BLTP3B: variants seen among roughly 807,000 people sequenced by gnomAD.
The protein encoded by BLTP3B is UHRF1 (ICBP90) binding protein 1-like.
At chr12:100,111,270 GTTTTAGATT>G in the BLTP3B span, among the ~76,000 whole-genome samples, 135 of 142,622 alleles carry the variant, frequency 9.5e-4, 3 homozygotes, top group East Asian at 0.018. Flanking sequence ...GGCTGGTGGG[GTTTTAGATT>G]TTTTTTTTTT....
the BLTP3B span, chr12:100,070,218 A>C: frequency 6.5e-7 from 1 of 1,545,360 alleles, no homozygotes; most frequent in Non-Finnish European, 8.7e-7. Context: ...AACAAAACAA[A>C]AAACCACAAA....
At chr12:100,094,337 T>C in the BLTP3B span, among the ~76,000 whole-genome samples, 52,555 of 152,012 alleles carry the variant, frequency 0.35, 11,804 homozygotes, top group African/African-American at 0.64. Context: ...TCCTGAATTA[T>C]TGGCCTCTAG....
At chr12:100,101,096 G>T in the BLTP3B span, among the ~76,000 whole-genome samples, 1 of 152,098 alleles carries the variant, frequency 6.6e-6, no homozygotes, top group African/African-American at 2.4e-5. Context: ...CAACCTAAAG[G>T]CCAACAACTA....
the BLTP3B span, among the ~76,000 whole-genome samples, chr12:100,061,309 C>T: frequency 6.6e-6 from 1 of 152,116 alleles, no homozygotes; most frequent in African/African-American, 2.4e-5. Context: ...ACAGAAAGAA[C>T]CCCGATAGCA....
the BLTP3B span, among the ~76,000 whole-genome samples, chr12:100,137,660 C>T: frequency 2.2e-4 from 34 of 152,204 alleles, no homozygotes; most frequent in Non-Finnish European, 2.9e-4. Context: ...TTGTAGACTC[C>T]GTATTTCCAC....
chr12:100,064,680 G>A, the BLTP3B span, among the ~76,000 whole-genome samples: 1 of 151,926 alleles, frequency 6.6e-6, no homozygotes, highest in African/African-American at 2.4e-5. Context: ...TCTTTATCTA[G>A]TGAAACTAAG....
the BLTP3B span, among the ~76,000 whole-genome samples, chr12:100,093,261 T>C: frequency 2.0e-5 from 3 of 152,190 alleles, no homozygotes; most frequent in Non-Finnish European, 4.4e-5. Flanking sequence ...GAGTTTACCT[T>C]CAATTCTATA....
the BLTP3B span, among the ~76,000 whole-genome samples, chr12:100,116,448 CAAAAAAA>C: frequency 2.5e-4 from 14 of 55,998 alleles, no homozygotes; most frequent in East Asian, 6.5e-3. Context: ...GATCCTGTCT[CAAAAAAA>C]AAAAAAAAAA....
chr12:100,074,403 A>G, the BLTP3B span, among the ~76,000 whole-genome samples: 4 of 152,166 alleles, frequency 2.6e-5, no homozygotes, highest in Non-Finnish European at 4.4e-5. Flanking sequence ...GCTCGAGACC[A>G]GCGTGGCCAA....
chr12:100,100,309 A>T, the BLTP3B span, among the ~76,000 whole-genome samples: 1 of 152,006 alleles, frequency 6.6e-6, no homozygotes, highest in African/African-American at 2.4e-5. Flanking sequence ...TGTCTCAAAA[A>T]ATAAAAATAA....
chr12:100,084,654 A>G, the BLTP3B span: 2 of 1,612,964 alleles, frequency 1.2e-6, no homozygotes, highest in East Asian at 2.2e-5. Flanking sequence ...GATTACAACT[A>G]TCTCCTGTAA....
chr12:100,124,976 A>T, the BLTP3B span, among the ~76,000 whole-genome samples: 97 of 94,860 alleles, frequency 1.0e-3, no homozygotes, highest in African/African-American at 4.5e-3. Flanking sequence ...ATATATATAT[A>T]TATTTATATT....
the BLTP3B span, among the ~76,000 whole-genome samples, chr12:100,067,534 G>T: frequency 1.3e-5 from 2 of 151,996 alleles, no homozygotes; most frequent in Non-Finnish European, 2.9e-5. Context: ...AAATACAAAA[G>T]GTCATTCAAG....
At chr12:100,039,195 AAT>A in the BLTP3B span, among the ~76,000 whole-genome samples, 1 of 152,116 alleles carries the variant, frequency 6.6e-6, no homozygotes, top group African/African-American at 2.4e-5. Context: ...CTTGAATGTT[AAT>A]AAATGTTTAT....
chr12:100,070,869 G>T, the BLTP3B span, among the ~76,000 whole-genome samples: 130 of 152,112 alleles, frequency 8.5e-4, no homozygotes, highest in Non-Finnish European at 1.7e-3. Context: ...AGCCAGATGT[G>T]GTGGTGCATG....
the BLTP3B span, among the ~76,000 whole-genome samples, chr12:100,075,533 CAG>C: frequency 6.6e-6 from 1 of 152,086 alleles, no homozygotes; most frequent in Non-Finnish European, 1.5e-5. Context: ...AAACTATCAA[CAG>C]AGTCAACAGA....
chr12:100,064,042 T>C, the BLTP3B span, among the ~76,000 whole-genome samples: 1,569 of 152,144 alleles, frequency 0.01, 32 homozygotes, highest in African/African-American at 0.034. Context: ...CAAAAAATGA[T>C]ACAAGAAGTG....
At chr12:100,111,277 ATTTTTTTT>A in the BLTP3B span, among the ~76,000 whole-genome samples, 24 of 94,768 alleles carry the variant, frequency 2.5e-4, 1 homozygote, top group Middle Eastern at 0.032. Context: ...GGGGTTTTAG[ATTTTTTTT>A]TTTTTTTTTT....
the BLTP3B span, chr12:100,072,773 A>T: frequency 1.2e-6 from 2 of 1,605,078 alleles, no homozygotes; most frequent in Non-Finnish European, 1.7e-6. Context: ...GCAGCAAATC[A>T]TGCTTTTGGG....
Sources: gnomAD v4.1 joint callset for allele counts (sites outside exome capture counted in the v4.1 genomes callset) on GRCh38, gnomAD v4.1.1 for gene constraint, MANE v1.5 for transcripts, NCBI Gene and HGNC (gene_info 2026-07-23, HGNC 2026-07-21) for gene names.